Variants in NFIB observed in about 807,000 individuals in gnomAD.
NFIB encodes nuclear factor 1 B-type.
Under a neutral mutation model 61.5 loss-of-function variants are expected in NFIB, and 11 were observed. That is an observed-to-expected ratio of 0.18 (90% CI 0.11 to 0.30). The LOEUF (loss-of-function observed/expected upper bound fraction) is 0.30. Among genes scored for constraint, NFIB ranks in the 10% least tolerant of loss-of-function variants. NFIB has a pLI of 1.00. For synonymous variants in NFIB, 260 were observed against 216.5 expected (o/e 1.20, Z -1.76); for missense variants, 471 against 608.9 (o/e 0.77, Z 2.38).
chr9:14,268,712 T>C (rs1475684516), intron 2 of NFIB, among the ~76,000 whole-genome samples: 1 of 152,218 alleles, frequency 6.6e-6, no homozygotes, highest in African/African-American at 2.4e-5. Context: ...AGGTGCTTAG[T>C]TTTATGTTTC....
intron 1 of NFIB, among the ~76,000 whole-genome samples, chr9:14,392,042 C>T (rs929255920): frequency 1.3e-5 from 2 of 152,108 alleles, no homozygotes; most frequent in Admixed American, 1.3e-4. Flanking sequence ...AAACCCATCA[C>T]CCGGTATAAT....
the NFIB span, among the ~76,000 whole-genome samples, chr9:14,453,218 A>G: frequency 6.2e-4 from 95 of 152,352 alleles, 1 homozygote; most frequent in African/African-American, 2.2e-3. Context: ...AAGGATAAAA[A>G]CAGACATGAT....
upstream of NFIB, chr9:14,314,229 G>A: frequency 4.0e-6 from 3 of 756,156 alleles, no homozygotes; most frequent in Non-Finnish European, 4.9e-6. Context: ...TGAGGGAGGG[G>A]GCGCGAGCGC....
At chr9:14,089,363 T>C (rs1433031492) in intron 10 of NFIB, among the ~76,000 whole-genome samples, 1 of 133,590 alleles carries the variant, frequency 7.5e-6, no homozygotes, top group African/African-American at 3.4e-5. Flanking sequence ...TTACAGGCTG[T>C]TAAAAAAAAA....
chr9:14,518,163 G>A, the NFIB span, among the ~76,000 whole-genome samples: 1 of 152,172 alleles, frequency 6.6e-6, no homozygotes, highest in Non-Finnish European at 1.5e-5. Context: ...AATATGGATG[G>A]CCTAAATGAT....
At chr9:14,145,569 A>AGT (rs1169794537) in intron 6 of NFIB, among the ~76,000 whole-genome samples, 1 of 151,994 alleles carries the variant, frequency 6.6e-6, no homozygotes, top group African/African-American at 2.4e-5. Flanking sequence ...GTCTCCTAAG[A>AGT]GTACTCAACA....
intron 1 of NFIB, among the ~76,000 whole-genome samples, chr9:14,366,289 G>T (rs371871356): frequency 1.7e-4 from 26 of 152,102 alleles, no homozygotes; most frequent in East Asian, 9.6e-4. Context: ...CCTCGCGTCT[G>T]TGAAAAATTA....
chr9:14,432,561 G>A, the NFIB span, among the ~76,000 whole-genome samples: 2 of 152,202 alleles, frequency 1.3e-5, no homozygotes, highest in Non-Finnish European at 2.9e-5. Context: ...TTTAATGTAA[G>A]AACAATTGCA....
At chr9:14,187,797 C>T (rs1158006012) in intron 2 of NFIB, among the ~76,000 whole-genome samples, 1 of 152,114 alleles carries the variant, frequency 6.6e-6, no homozygotes, top group Non-Finnish European at 1.5e-5. Context: ...TATCAAAAAT[C>T]ATATATCAAA....
At chr9:14,411,246 A>G in the NFIB span, among the ~76,000 whole-genome samples, 3 of 152,198 alleles carry the variant, frequency 2.0e-5, no homozygotes, top group South Asian at 2.1e-4. Flanking sequence ...GATATTAGCA[A>G]TTTTGGTTGG....
At chr9:14,105,891 G>A (rs138970003) in intron 10 of NFIB, among the ~76,000 whole-genome samples, 5 of 152,062 alleles carry the variant, frequency 3.3e-5, no homozygotes, top group African/African-American at 2.4e-5. Context: ...AACATAATAG[G>A]TGATAATCTT....
chr9:14,521,866 C>G, the NFIB span, among the ~76,000 whole-genome samples: 1 of 152,220 alleles, frequency 6.6e-6, no homozygotes, highest in Non-Finnish European at 1.5e-5. Flanking sequence ...ATTATTCACT[C>G]TACCCATTGG....
At chr9:14,338,535 GC>G (rs1045504081) in intron 1 of NFIB, among the ~76,000 whole-genome samples, 1 of 152,196 alleles carries the variant, frequency 6.6e-6, no homozygotes, top group African/African-American at 2.4e-5. Flanking sequence ...TAACATCTGA[GC>G]TTCCCTTTAT....
At chr9:14,271,886 A>G (rs763922171) in intron 2 of NFIB, among the ~76,000 whole-genome samples, 5 of 152,232 alleles carry the variant, frequency 3.3e-5, no homozygotes, top group Admixed American at 6.5e-5. Context: ...AACTCTGGGT[A>G]GAGAATTTTT....
chr9:14,274,251 T>TACACACACAC (rs71321975), intron 2 of NFIB, among the ~76,000 whole-genome samples: 24,045 of 123,784 alleles, frequency 0.19, 3,024 homozygotes, highest in Middle Eastern at 0.26. Context: ...TCTTCCTCCC[T>TACACACACAC]ACACACACAC....
intron 10 of NFIB, among the ~76,000 whole-genome samples, chr9:14,112,390 T>A (rs1356079658): frequency 6.6e-6 from 1 of 152,132 alleles, no homozygotes; most frequent in Non-Finnish European, 1.5e-5. Flanking sequence ...TGCATTAAAT[T>A]TACAGCATTA....
intron 6 of NFIB, among the ~76,000 whole-genome samples, chr9:14,127,825 A>C (rs936496814): frequency 6.6e-6 from 1 of 152,098 alleles, no homozygotes; most frequent in African/African-American, 2.4e-5. Flanking sequence ...AGTCTACAAA[A>C]AATGCCAGGC....
At chr9:14,268,277 C>G (rs1219445721) in intron 2 of NFIB, among the ~76,000 whole-genome samples, 2 of 152,112 alleles carry the variant, frequency 1.3e-5, no homozygotes, top group Middle Eastern at 3.2e-3. Context: ...TCAGAATTGT[C>G]TTCTAAAGGA....
chr9:14,389,411 C>T (rs1465432483), intron 1 of NFIB, among the ~76,000 whole-genome samples: 1 of 152,088 alleles, frequency 6.6e-6, no homozygotes, highest in Non-Finnish European at 1.5e-5. Flanking sequence ...TGCTTTTGAA[C>T]ATATTAAATA....
Sources: allele counts gnomAD v4.1 joint callset (sites outside exome capture counted in the v4.1 genomes callset), GRCh38; gene constraint gnomAD v4.1.1; transcripts MANE v1.5; gene names NCBI Gene and HGNC (gene_info 2026-07-23, HGNC 2026-07-21).